The following LIN52 variants were observed in gnomAD, a reference collection of about 807,000 sequenced individuals.
The protein encoded by LIN52 is protein lin-52 homolog.
Under a neutral mutation model 18.5 loss-of-function variants are expected in LIN52, and 4 were observed. That is an observed-to-expected ratio of 0.22 (90% CI 0.11 to 0.49). The LOEUF (loss-of-function observed/expected upper bound fraction) is 0.49, where lower values mean the gene tolerates loss of function less well. Ranked by LOEUF, LIN52 falls within the 20% of genes least tolerant of loss-of-function variation. The probability of loss-of-function intolerance (pLI) is 0.97; values close to 1 mark genes in which losing one functional copy is unlikely to be tolerated. For missense variants in LIN52, 102 were observed against 139.5 expected, an observed-to-expected ratio of 0.73 and a Z score of 1.35; for synonymous variants, 34 against 45.5, an observed-to-expected ratio of 0.75 and a Z score of 1.02.
At position 74,185,171 on chromosome 14, in the gene LIN52, A is replaced by G. The variant is rs985514492; in HGVS notation, c.284-13751A>G. Among the ~76,000 whole-genome samples the G allele has an allele frequency of 2.0e-5, 3 of 152,154 alleles. No homozygotes were observed. In the South Asian group the frequency reaches 6.2e-4, roughly 32 times the overall value. ...CTGTCATTGTCTCTAGGCCTGTTCT[A>G]TGAACAGGGTAGGTAAATATGGTTT... is the stretch of plus-strand genomic sequence containing the variant. On this transcript the variant is annotated intron_variant, in intron 5 of 5. Coordinates refer to ENST00000555028, the MANE Select transcript of LIN52 (RefSeq NM_001024674.3).
intron 5 of LIN52, among the ~76,000 whole-genome samples, chr14:74,144,387 G>A (rs982490583): frequency 3.3e-5 from 5 of 151,982 alleles, no homozygotes; most frequent in East Asian, 1.9e-4. Context: ...TTGGCCTTCC[G>A]AAAGGCAGGG....
At chr14:74,089,419 A>G (rs2060757160) in intron 1 of LIN52, among the ~76,000 whole-genome samples, 1 of 147,428 alleles carries the variant, frequency 6.8e-6, no homozygotes, top group Non-Finnish European at 1.5e-5. Context: ...CCCAGGCTGG[A>G]GTGCAGTGGT....
chr14:74,134,692 A>G (rs1041524333), intron 5 of LIN52, among the ~76,000 whole-genome samples: 1 of 152,080 alleles, frequency 6.6e-6, no homozygotes, highest in Non-Finnish European at 1.5e-5. Context: ...GAGCACTCAT[A>G]TCTGCTCAAG....
chr14:74,197,961 A>G lies in LIN52; in HGVS notation c.284-961A>G, dbSNP rs17182846. Among the ~76,000 whole-genome samples, 1,137 of 152,286 alleles carry G rather than the reference A, an allele frequency of 7.5e-3. 9 individuals are homozygous for G. Among genetic ancestry groups the G allele is most frequent in the Non-Finnish European group, 0.013 (886 of 68,010 alleles). On this transcript the variant is annotated intron_variant, in intron 5 of 5. Transcript: ENST00000555028. Reference sequence around the variant, plus strand: ...TAGCCACCTCACTTCTTTGGCCAGGACGGAGATGTGTTCTTGGGAGACCAC... The same window carrying G: ...TAGCCACCTCACTTCTTTGGCCAGGGCGGAGATGTGTTCTTGGGAGACCAC...
intron 5 of LIN52, among the ~76,000 whole-genome samples, chr14:74,117,661 T>G (rs142595468): frequency 6.6e-6 from 1 of 152,316 alleles, no homozygotes; most frequent in Non-Finnish European, 1.5e-5. Flanking sequence ...TAGTTATTGA[T>G]GTTCTAGAAA....
chr14:74,198,698 G>A (rs1267984848), intron 5 of LIN52, among the ~76,000 whole-genome samples: 1 of 152,144 alleles, frequency 6.6e-6, no homozygotes, highest in Admixed American at 6.5e-5. Context: ...CAGTCATTTG[G>A]CATGTATCTC....
At chr14:74,102,754 A>G (rs2060866752) in intron 5 of LIN52, among the ~76,000 whole-genome samples, 1 of 152,238 alleles carries the variant, frequency 6.6e-6, no homozygotes, top group Non-Finnish European at 1.5e-5. Context: ...AGAAGATGCT[A>G]TATTACCAAA....
intron 5 of LIN52, among the ~76,000 whole-genome samples, chr14:74,177,936 C>T (rs2061300987): frequency 6.6e-6 from 1 of 152,124 alleles, no homozygotes; most frequent in South Asian, 2.1e-4. Flanking sequence ...CGCCACCAGG[C>T]CTGGCTAATT....
At chr14:74,177,143 C>A (rs2061297842) in intron 5 of LIN52, among the ~76,000 whole-genome samples, 2 of 152,052 alleles carry the variant, frequency 1.3e-5, no homozygotes, top group Admixed American at 1.3e-4. Context: ...GGATTACAGG[C>A]ATGTGTCACC....
At chr14:74,140,977 G>A (rs571458497) in intron 5 of LIN52, among the ~76,000 whole-genome samples, 6 of 152,074 alleles carry the variant, frequency 3.9e-5, no homozygotes, top group African/African-American at 1.4e-4. Context: ...AGCTATCGTA[G>A]GAACATTACA....
Position 74,135,276 on chromosome 14 carries a change from G to T in LIN52, c.283+34038G>T, listed in dbSNP as rs190319181. Reference sequence around the variant, plus strand: ...GACGGGGTTTCACCATGTTGGCCAGGATATTCTTGATCTCCTGACCTCATG... The same window carrying T: ...GACGGGGTTTCACCATGTTGGCCAGTATATTCTTGATCTCCTGACCTCATG... On this transcript the variant is annotated intron_variant, in intron 5 of 5. Transcript: ENST00000555028. Among the ~76,000 whole-genome samples the T allele has an allele frequency of 3.2e-3, 485 of 152,246 alleles. 2 individuals carry two copies. The highest frequency in any genetic ancestry group is 0.011 in the African/African-American group (465 of 41,538).
intron 5 of LIN52, among the ~76,000 whole-genome samples, chr14:74,130,833 G>A (rs761909789): frequency 2.0e-5 from 3 of 151,888 alleles, no homozygotes; most frequent in Non-Finnish European, 4.4e-5. Context: ...TGATCCACCC[G>A]CCTTGGCCTC....
intron 5 of LIN52, among the ~76,000 whole-genome samples, chr14:74,140,466 A>G (rs1480205269): frequency 6.6e-6 from 1 of 152,222 alleles, no homozygotes; most frequent in Non-Finnish European, 1.5e-5. Context: ...AATGCCCTAA[A>G]GCCTCTTATC....
At chr14:74,130,600 T>A (rs1343665024) in intron 5 of LIN52, among the ~76,000 whole-genome samples, 2 of 137,324 alleles carry the variant, frequency 1.5e-5, no homozygotes, top group African/African-American at 2.8e-5. Context: ...TTTTTTTTTT[T>A]TTTTTTTTTT....
chr14:74,161,646 G>A (rs932686100), intron 5 of LIN52, among the ~76,000 whole-genome samples: 3 of 152,202 alleles, frequency 2.0e-5, no homozygotes, highest in African/African-American at 7.2e-5. Flanking sequence ...GTCCCCACAA[G>A]GCTGAGGTTC....
chr14:74,093,935 A>G (rs990415856), intron 2 of LIN52, among the ~76,000 whole-genome samples: 6 of 151,918 alleles, frequency 3.9e-5, no homozygotes, highest in African/African-American at 1.4e-4. Flanking sequence ...GTGAGCTGAG[A>G]TCACTCCATT....
chr14:74,182,015 T>A (rs1182387680), intron 5 of LIN52, among the ~76,000 whole-genome samples: 1 of 152,198 alleles, frequency 6.6e-6, no homozygotes, highest in East Asian at 1.9e-4. Context: ...TTTTATTTAT[T>A]TGTTTATTTT....
chr14:74,169,578 C>G (rs2061262563), intron 5 of LIN52, among the ~76,000 whole-genome samples: 1 of 152,182 alleles, frequency 6.6e-6, no homozygotes, highest in South Asian at 2.1e-4. Context: ...TCCCATCTCT[C>G]TACTTCTCTT....
Position 74,161,502 on chromosome 14 carries a change from T to C in LIN52, c.284-37420T>C, listed in dbSNP as rs527492612. On this transcript the variant is annotated intron_variant, in intron 5 of 5. Coordinates refer to ENST00000555028, the MANE Select transcript of LIN52 (RefSeq NM_001024674.3). ...GTGCCCGGTCTGAACAGGGAAAATT[T>C]AAAATAAAAAATGTTAATTAGGTGA... Among the ~76,000 whole-genome samples the C allele has an allele frequency of 6.6e-5, 10 of 152,340 alleles. No homozygotes were observed. In the East Asian group the frequency reaches 7.7e-4, roughly 12 times the overall value.
Sources: allele counts gnomAD v4.1 joint callset (sites outside exome capture counted in the v4.1 genomes callset), GRCh38; gene constraint gnomAD v4.1.1; transcripts MANE v1.5; gene names NCBI Gene and HGNC (gene_info 2026-07-23, HGNC 2026-07-21).